Variants in GPC6 observed in about 807,000 individuals in gnomAD.
The protein encoded by GPC6 is glypican-6.
A neutral mutation model predicts 55.2 loss-of-function variants in GPC6; 14 were observed. The observed-to-expected ratio is 0.25, with a 90% CI of 0.17 to 0.40. The LOEUF (loss-of-function observed/expected upper bound fraction) is 0.40. Ranked by LOEUF, GPC6 falls within the 10% of genes least tolerant of loss-of-function variation. GPC6 has a pLI of 1.00. For synonymous variants in GPC6, 278 were observed against 259.6 expected (o/e 1.07, Z -0.68); for missense variants, 641 against 708.5 (o/e 0.90, Z 1.08).
Position 94,395,157 on chromosome 13 carries a change from G to A in GPC6, c.1290-3309G>A, listed in dbSNP as rs574560758. Among the ~76,000 whole-genome samples the A allele has an allele frequency of 2.6e-5, 4 of 152,264 alleles. No homozygotes were observed. In the East Asian group the frequency reaches 5.8e-4, roughly 22 times the overall value. On this transcript the variant is annotated intron_variant, in intron 7 of 8. Coordinates refer to ENST00000377047, the MANE Select transcript of GPC6 (RefSeq NM_005708.5). ...GCTGTAATAATTAGGTAGAGCTCACGGAGCCTGGCTCATATAATTGCCTGT... is the reference window on the plus strand; with the variant it reads ...GCTGTAATAATTAGGTAGAGCTCACAGAGCCTGGCTCATATAATTGCCTGT...
rs79916302 is a variant in GPC6 at position 94,017,289 on chromosome 13, G to A, written c.712-10440G>A. ...TTCTTTGGGATTTCCTATATACACT[G>A]TATTAGTCCATTTTTATACTGCCAT... On this transcript the variant is annotated intron_variant, in intron 3 of 8. Coordinates refer to ENST00000377047, the MANE Select transcript of GPC6 (RefSeq NM_005708.5). Among the ~76,000 whole-genome samples the A allele has an allele frequency of 6.2e-3, 945 of 152,146 alleles. 6 individuals are homozygous for A. Among genetic ancestry groups the A allele is most frequent in the African/African-American group, 0.022 (893 of 41,512 alleles).
At chr13:93,996,471 A>G (rs1468034447) in intron 3 of GPC6, among the ~76,000 whole-genome samples, 10 of 152,094 alleles carry the variant, frequency 6.6e-5, no homozygotes, top group African/African-American at 1.9e-4. Flanking sequence ...GTACAGTGAC[A>G]TTCTAACATT....
chr13:93,231,391 A>ACATG (rs1876037818), intron 1 of GPC6, among the ~76,000 whole-genome samples: 2 of 21,484 alleles, frequency 9.3e-5, no homozygotes, highest in Admixed American at 1.4e-3. Flanking sequence ...ATATATATAT[A>ACATG]TATATGTATA....
chr13:93,344,889 G>T (rs1289304183), intron 1 of GPC6, among the ~76,000 whole-genome samples: 1 of 152,132 alleles, frequency 6.6e-6, no homozygotes, highest in Non-Finnish European at 1.5e-5. Context: ...ATTTAGGAAA[G>T]GTAATGAAGA....
At chr13:93,967,311 T>C (rs1369244901) in intron 3 of GPC6, among the ~76,000 whole-genome samples, 1 of 152,208 alleles carries the variant, frequency 6.6e-6, no homozygotes, top group East Asian at 1.9e-4. Flanking sequence ...CAGTGCTACA[T>C]ATACTATGAT....
intron 4 of GPC6, among the ~76,000 whole-genome samples, chr13:94,100,328 C>T (rs1316987769): frequency 6.6e-6 from 1 of 152,070 alleles, no homozygotes; most frequent in Non-Finnish European, 1.5e-5. Context: ...TTTTTGAATA[C>T]GTAGAATTTC....
At chr13:93,913,192 A>C (rs1162457254) in intron 3 of GPC6, among the ~76,000 whole-genome samples, 1 of 152,180 alleles carries the variant, frequency 6.6e-6, no homozygotes, top group Admixed American at 6.5e-5. Flanking sequence ...CATGATTAAG[A>C]ATCTCTTTTT....
In GPC6 at chr13:94,049,409, C is replaced by T. The variant is rs544498504; in HGVS notation, c.877+21515C>T. On this transcript the variant is annotated intron_variant, in intron 4 of 8. Coordinates refer to ENST00000377047, the MANE Select transcript of GPC6 (RefSeq NM_005708.5). Reference sequence around the variant, plus strand: ...AAGAGTGGCATCTATGGATTGAGGACATTGAAGATACACTGTGGTAATAAC... The same window carrying T: ...AAGAGTGGCATCTATGGATTGAGGATATTGAAGATACACTGTGGTAATAAC... 8.5e-5 allele frequency among the ~76,000 whole-genome samples: 13 copies of T among 152,192 alleles called. No individual in the cohort carries two copies. In the South Asian group the frequency reaches 2.7e-3, roughly 32 times the overall value.
At chr13:93,675,942 G>A (rs1166824561) in intron 2 of GPC6, among the ~76,000 whole-genome samples, 2 of 151,334 alleles carry the variant, frequency 1.3e-5, no homozygotes, top group Non-Finnish European at 2.9e-5. Flanking sequence ...ACCAAAGCAG[G>A]TCAAAGTAAT....
At chr13:93,341,899 T>C (rs1173882475) in intron 1 of GPC6, among the ~76,000 whole-genome samples, 1 of 151,728 alleles carries the variant, frequency 6.6e-6, no homozygotes, top group Non-Finnish European at 1.5e-5. Context: ...TGATCCATCT[T>C]GAGTTAACTT....
chr13:94,294,687 C>T (rs1448036677), intron 5 of GPC6, among the ~76,000 whole-genome samples: 1 of 151,220 alleles, frequency 6.6e-6, no homozygotes, highest in Non-Finnish European at 1.5e-5. Flanking sequence ...AAAATAATAT[C>T]TTGGAAATTC....
intron 7 of GPC6, among the ~76,000 whole-genome samples, chr13:94,386,537 C>A (rs1880419655): frequency 6.6e-6 from 1 of 152,046 alleles, no homozygotes; most frequent in Non-Finnish European, 1.5e-5. Flanking sequence ...CTGCAGTAAG[C>A]TATTATTGTG....
chr13:94,190,983 G>A (rs1245113808), intron 4 of GPC6, among the ~76,000 whole-genome samples: 1 of 152,086 alleles, frequency 6.6e-6, no homozygotes, highest in Non-Finnish European at 1.5e-5. Context: ...ACAGCAAGCA[G>A]CAGAAACAAA....
At chr13:93,272,492 G>GTATATATATATATATATATA (rs61556173) in intron 1 of GPC6, among the ~76,000 whole-genome samples, 28 of 137,174 alleles carry the variant, frequency 2.0e-4, no homozygotes, top group African/African-American at 6.7e-4. Context: ...TTGTCTGTGT[G>GTATATATATATATATATATA]TATATATATA....
At chr13:93,514,577 T>C (rs1454723490) in intron 1 of GPC6, among the ~76,000 whole-genome samples, 2 of 152,194 alleles carry the variant, frequency 1.3e-5, no homozygotes, top group Non-Finnish European at 2.9e-5. Context: ...GCAATGGTCA[T>C]TGGAACTACT....
At chr13:94,111,473 T>TATAATAATA (rs149246452) in intron 4 of GPC6, among the ~76,000 whole-genome samples, 33 of 144,428 alleles carry the variant, frequency 2.3e-4, no homozygotes, top group East Asian at 2.2e-3. Context: ...TTAAAGTAAA[T>TATAATAATA]ATAATAATAA....
At chr13:94,388,073 C>A (rs1425239003) in intron 7 of GPC6, among the ~76,000 whole-genome samples, 1 of 152,070 alleles carries the variant, frequency 6.6e-6, no homozygotes, top group Non-Finnish European at 1.5e-5. Context: ...AGATCTAGCA[C>A]ATAAAGATAA....
At chr13:93,510,326 A>G (rs1182615556) in intron 1 of GPC6, among the ~76,000 whole-genome samples, 1 of 151,988 alleles carries the variant, frequency 6.6e-6, no homozygotes, top group Non-Finnish European at 1.5e-5. Context: ...CCCCCAAATC[A>G]GCCTTCTCAG....
rs531582680 is a variant in GPC6 at position 93,291,406 on chromosome 13, C to G, written c.160+63790C>G. 6.9e-4 allele frequency among the ~76,000 whole-genome samples: 105 copies of G among 152,196 alleles called. 1 individual carries two copies. Among genetic ancestry groups the G allele is most frequent in the South Asian group, 2.1e-3 (10 of 4,818 alleles). On this transcript the variant is annotated intron_variant, in intron 1 of 8. Coordinates refer to ENST00000377047, the MANE Select transcript of GPC6 (RefSeq NM_005708.5). The stretch of plus-strand genomic sequence containing the variant: ...TTTTGCCTTGCTTTACCCACTGTAT[C>G]GTAGACACTGCTACTCAGTGGGTTT...
Sources: gnomAD v4.1 joint callset for allele counts (sites outside exome capture counted in the v4.1 genomes callset) on GRCh38, gnomAD v4.1.1 for gene constraint, MANE v1.5 for transcripts, NCBI Gene and HGNC (gene_info 2026-07-23, HGNC 2026-07-21) for gene names.